DNAH12: variants seen among roughly 807,000 people sequenced by gnomAD.
DNAH12 encodes the protein axonemal beta dynein heavy chain 12.
In DNAH12, 285 loss-of-function variants were observed where a neutral mutation model predicts 371.5. That is an observed-to-expected ratio of 0.77 (90% CI 0.70 to 0.85). DNAH12 has a LOEUF of 0.85. DNAH12 is among the 40% of genes least tolerant of loss of function. The pLI is 0.00. For missense variants in DNAH12, 3,611 were observed against 3,689.4 expected (o/e 0.98, Z 0.55); for synonymous variants, 1,200 against 1,213.0 (o/e 0.99, Z 0.22).
At chr3:57,411,826 C>T (rs1226733800) in intron 39 of DNAH12, among the ~76,000 whole-genome samples, 1 of 152,114 alleles carries the variant, frequency 6.6e-6, no homozygotes, top group African/African-American at 2.4e-5. Context: ...TATTGAGAAA[C>T]TGATTCTGAA....
chr3:57,399,356 A>C (rs2063809179), intron 43 of DNAH12, among the ~76,000 whole-genome samples: 1 of 152,146 alleles, frequency 6.6e-6, no homozygotes, highest in South Asian at 2.1e-4. Context: ...TAATGGATTA[A>C]ATTCCTCAAT....
intron 66 of DNAH12, among the ~76,000 whole-genome samples, chr3:57,313,033 T>C (rs1039207882): frequency 2.6e-5 from 4 of 152,210 alleles, no homozygotes; most frequent in Admixed American, 1.3e-4. Context: ...AATGCTTCTC[T>C]TTTCACTTCA....
Position 57,542,873 on chromosome 3 carries a change from T to C in DNAH12, c.-3A>G. ...GCAGCTTTGTTTGCATCTGACATCT[T>C]GATCCCCTAAAGATTAAAATACTCT... On this transcript the variant is annotated 5_prime_UTR_variant, in exon 2 of 74. Transcript: ENST00000495027. 1 of 1,581,552 alleles carries C rather than the reference T, an allele frequency of 6.3e-7. No individual in the cohort carries two copies. Among genetic ancestry groups the C allele is most frequent in the East Asian group, 2.2e-5 (1 of 44,664 alleles).
At chr3:57,322,142 T>G (rs2061820425) in intron 65 of DNAH12, among the ~76,000 whole-genome samples, 1 of 152,234 alleles carries the variant, frequency 6.6e-6, no homozygotes, top group Non-Finnish European at 1.5e-5. Flanking sequence ...TTTCGATGTC[T>G]ACTGTGTGGG....
At chr3:57,341,301 G>A (rs1036203861) in intron 60 of DNAH12, among the ~76,000 whole-genome samples, 4 of 150,202 alleles carry the variant, frequency 2.7e-5, no homozygotes, top group Non-Finnish European at 4.4e-5. Context: ...TAGAAAGAAG[G>A]AAGTCAAATT....
At chr3:57,541,847 A>G (rs1197463860) in intron 2 of DNAH12, among the ~76,000 whole-genome samples, 1 of 152,120 alleles carries the variant, frequency 6.6e-6, no homozygotes, top group Non-Finnish European at 1.5e-5. Context: ...ATTAGCAAAA[A>G]TTAAAATTAT....
intron 60 of DNAH12, among the ~76,000 whole-genome samples, chr3:57,347,007 T>C (rs1553658262): frequency 2.0e-5 from 3 of 152,184 alleles, no homozygotes; most frequent in Non-Finnish European, 4.4e-5. Context: ...CAAGCCCAGA[T>C]GGGTTCACTG....
chr3:57,452,610 A>T (rs940545518), intron 25 of DNAH12, among the ~76,000 whole-genome samples: 2 of 152,138 alleles, frequency 1.3e-5, no homozygotes, highest in Non-Finnish European at 1.5e-5. Flanking sequence ...CCTCTTTCTA[A>T]TTATCCCCCA....
chr3:57,323,555 G>A lies in DNAH12; in HGVS notation c.10043C>T (p.Pro3348Leu), dbSNP rs2061859237. 2 of 1,550,756 alleles carry A rather than the reference G, an allele frequency of 1.3e-6. No homozygotes were observed. The highest frequency in any genetic ancestry group is 4.9e-5 in the East Asian group (2 of 40,832). Residue 3348 changes from proline (P) to leucine (L), a missense_variant, in exon 63 of 74, where the codon CCA (proline) becomes CTA (leucine). By Grantham distance (98) the Pro-to-Leu change is moderately conservative. Around this residue, in one of 3 missense-constraint regions of DNAH12, gnomAD observed 2,266 missense variants for 2,236.9 expected, o/e 1.01. Transcript: ENST00000495027. Reference protein sequence around the residue: ...KLGKKFVEPPPFDLTKSYLDS... With the variant: ...KLGKKFVEPPLFDLTKSYLDS... ...CAAGTAACTCTTTGTCAAATCAAAT[G>A]GTGGAGGCTCTACAAACTTTTTCCC...
At chr3:57,341,741 T>G (rs1326057419) in intron 60 of DNAH12, among the ~76,000 whole-genome samples, 1 of 151,820 alleles carries the variant, frequency 6.6e-6, no homozygotes, top group African/African-American at 2.4e-5. Flanking sequence ...ATGATGTTCT[T>G]CACAGAAATA....
chr3:57,337,149 C>A (rs527246051), intron 60 of DNAH12, among the ~76,000 whole-genome samples: 1 of 152,158 alleles, frequency 6.6e-6, no homozygotes, highest in East Asian at 1.9e-4. Context: ...TACCAAGAGA[C>A]AAATAATAAC....
intron 25 of DNAH12, among the ~76,000 whole-genome samples, chr3:57,451,212 G>A (rs530332689): frequency 2.0e-5 from 3 of 152,312 alleles, no homozygotes; most frequent in Non-Finnish European, 2.9e-5. Flanking sequence ...TAACTCATTC[G>A]AAGACACTTT....
chr3:57,536,837 T>C (rs547314294), intron 2 of DNAH12, among the ~76,000 whole-genome samples: 46 of 119,106 alleles, frequency 3.9e-4, no homozygotes, highest in African/African-American at 1.2e-3. Flanking sequence ...TGTTTTCTCC[T>C]ACTGGCTATA....
intron 43 of DNAH12, 113 bp downstream of exon 43, chr3:57,403,196 G>C: frequency 9.3e-7 from 1 of 1,070,124 alleles, no homozygotes; most frequent in Non-Finnish European, 1.3e-6. Context: ...GACAGTATTA[G>C]CATCATCATC....
intron 69 of DNAH12, 108 bp downstream of exon 69, chr3:57,309,043 T>TA (rs2061531805): frequency 2.6e-6 from 2 of 764,062 alleles, no homozygotes; most frequent in East Asian, 5.8e-5. Flanking sequence ...TCTCTCTTCA[T>TA]ACCACCCTCA....
chr3:57,494,788 C>T (rs1013722993), intron 11 of DNAH12, among the ~76,000 whole-genome samples: 9 of 152,124 alleles, frequency 5.9e-5, no homozygotes, highest in Admixed American at 2.6e-4. Context: ...GCAGGCAGAT[C>T]GCTTGAGCTC....
rs1314835879 is a variant in DNAH12, at chr3:57,415,486, C to T, written c.5793G>A (p.Lys1931=). The change falls in exon 38 of 74, where the codon AAG becomes AAA. Residue 1931 remains lysine (K), a synonymous_variant. Transcript: ENST00000495027. ...VKDKLMNHLE[K]DQYFPFYINL... is the part of the protein sequence containing the mutation. The stretch of plus-strand genomic sequence containing the variant: ...TAATATAAAAAGGAAAGTACTGGTC[C>T]TTTTCCAAGTGATTCATTAGCTTAT... 1 of 1,551,234 alleles carries T rather than the reference C, an allele frequency of 6.4e-7. No individual in the cohort carries two copies. Among genetic ancestry groups the T allele is most frequent in the Non-Finnish European group, 8.7e-7 (1 of 1,146,916 alleles).
intron 65 of DNAH12, among the ~76,000 whole-genome samples, chr3:57,321,845 A>T (rs2061813019): frequency 6.6e-6 from 1 of 152,198 alleles, no homozygotes. Context: ...GGACCCTTAA[A>T]GTCTCCAGTA....
chr3:57,433,855 A>G (rs889820852), intron 30 of DNAH12, 27 bp from the exon 31 acceptor site: 13 of 1,477,638 alleles, frequency 8.8e-6, no homozygotes, highest in Admixed American at 5.3e-5. Flanking sequence ...ATAATTATAC[A>G]ATAAGAGTCT....
Sources: allele counts gnomAD v4.1 joint callset (sites outside exome capture counted in the v4.1 genomes callset), GRCh38; gene constraint gnomAD v4.1.1; regional missense constraint gnomAD v4.1.1; transcripts MANE v1.5; gene names NCBI Gene and HGNC (gene_info 2026-07-23, HGNC 2026-07-21).